The following F5 variants were observed in gnomAD, a reference collection of about 807,000 sequenced individuals.
The protein encoded by F5 is coagulation factor V.
A neutral mutation model predicts 216.4 loss-of-function variants in F5; 138 were observed. That is an observed-to-expected ratio of 0.64 (90% CI 0.56 to 0.73). The LOEUF is 0.73. F5 is among the 30% of genes least tolerant of loss of function. F5 has a pLI of 0.00. For missense variants in F5, 2,403 were observed against 2,674.0 expected (o/e 0.90, Z 2.24); for synonymous variants, 916 against 930.7 (o/e 0.98, Z 0.29).
At chr1:169,571,594 A>C (rs1304260819) in intron 3 of F5, among the ~76,000 whole-genome samples, 2 of 152,188 alleles carry the variant, frequency 1.3e-5, no homozygotes, top group African/African-American at 2.4e-5. Context: ...TCTATGTGCC[A>C]GGAAGCCTAT....
chr1:169,572,398 T>A (rs1660746587), intron 2 of F5, 55 bp from the exon 3 acceptor site: 1 of 1,605,708 alleles, frequency 6.2e-7, no homozygotes, highest in South Asian at 1.1e-5. Context: ...AAAGGCAGAG[T>A]TGCTAAGCAA....
intron 2 of F5, among the ~76,000 whole-genome samples, chr1:169,575,996 T>C (rs931370599): frequency 1.3e-5 from 2 of 152,068 alleles, no homozygotes; most frequent in Non-Finnish European, 2.9e-5. Flanking sequence ...TAGGAAGAGC[T>C]TGGAAGATGC....
chr1:169,580,366 C>CT (rs1660960380), intron 2 of F5, among the ~76,000 whole-genome samples: 1 of 151,170 alleles, frequency 6.6e-6, no homozygotes, highest in African/African-American at 2.4e-5. Context: ...TCTCAATATA[C>CT]TTTTTTGTTG....
rs1661100782 is a variant in F5, at chr1:169,586,246, A to G, written c.141T>C (p.Pro47=). 6.2e-7 allele frequency: 1 copy of G among 1,614,150 alleles called. No homozygotes were observed. Among genetic ancestry groups the G allele is most frequent in the African/African-American group, 1.3e-5 (1 of 75,026 alleles). ...AAQGISWSYR[P]EPTNSSLNLS... The stretch of plus-strand genomic sequence containing the variant: ...TGAGTTACCTTGAGTTTGTGGGCTC[A>G]GGTCGGTAGCTCCAACTGATGCCCT... Residue 47 remains proline (P), a synonymous_variant, in exon 1 of 25, where the codon CCT becomes CCC. Coordinates refer to ENST00000367797, the MANE Select transcript of F5 (RefSeq NM_000130.5).
In F5 at chr1:169,555,299, C is replaced by G. The variant is rs118203906; in HGVS notation, c.1001G>C (p.Arg334Thr). 202 of 1,614,068 alleles carry G rather than the reference C, an allele frequency of 1.3e-4. 2 individuals carry two copies. The Middle Eastern group carries it at 1.8e-3, about 14-fold the overall frequency. Residue 334 changes from arginine (R) to threonine (T), a missense_variant, in exon 7 of 25, where the codon AGG becomes ACG. Arg to Thr is a moderately conservative substitution (Grantham distance 71). Around this residue, in one of 4 missense-constraint regions of F5, gnomAD observed 1,425 missense variants for 1,554.8 expected, o/e 0.92. Transcript: ENST00000367797. ...CTCACGAGTTATTTTCTTAAGATTC[C>G]TGGTTTTCTTTGGGCAGTTTTTAAT... ...IDIKNCPKKT[R>T]NLKKITREQR...
chr1:169,552,533 T>C, intron 8 of F5, 24 bp downstream of exon 8: 5 of 1,598,748 alleles, frequency 3.1e-6, no homozygotes, highest in Non-Finnish European at 4.3e-6. Flanking sequence ...ATTTCTCCCA[T>C]GATTCTGTAT....
intron 23 of F5, among the ~76,000 whole-genome samples, chr1:169,517,647 T>C (rs1343142553): frequency 6.6e-6 from 1 of 152,164 alleles, no homozygotes; most frequent in African/African-American, 2.4e-5. Context: ...TACCCCCAAA[T>C]TAAATCACCT....
chr1:169,540,272 A>G (rs200116074), intron 13 of F5, 22 bp downstream of exon 13: 1 of 1,612,976 alleles, frequency 6.2e-7, no homozygotes, highest in African/African-American at 1.3e-5. Context: ...ATGAGAATAA[A>G]AAAGGAGAAA....
In F5 at chr1:169,528,151, T is replaced by C. The variant is rs1414874250; in HGVS notation, c.5420-57A>G. ...AATCTGTTGACACAGAGAGGGCGAG[T>C]GGTAAGGAAATATGGGGCAACCCAC... On this transcript the variant is annotated intron_variant, in intron 16 of 24. Transcript: ENST00000367797. 2.5e-6 allele frequency: 4 copies of C among 1,602,818 alleles called. No homozygotes were observed. In the African/African-American group the frequency reaches 5.4e-5, roughly 22 times the overall value.
rs776079013 is a variant in F5, at chr1:169,544,401, TG to T, written c.1869del (p.Ile624SerfsTer18). On this transcript the variant is annotated frameshift_variant, in exon 12 of 25. Transcript: ENST00000367797. LOFTEE classifies it high-confidence loss of function. ...ATGAATGAGTGCCCAGTGAAGTGGA[TG>T]GTCAAAATTTCATTCTGGGTCCCCA... is the stretch of plus-strand genomic sequence containing the variant. ...CSVGTQNEIL[T>X]IHFTGHSFIY... The T allele has an allele frequency of 6.2e-7, 1 of 1,614,112 alleles. No individual in the cohort carries two copies. Among genetic ancestry groups the T allele is most frequent in the Non-Finnish European group, 8.5e-7 (1 of 1,180,000 alleles).
At chr1:169,548,459 A>G (rs548171853) in intron 10 of F5, among the ~76,000 whole-genome samples, 1 of 152,384 alleles carries the variant, frequency 6.6e-6, no homozygotes, top group African/African-American at 2.4e-5. Flanking sequence ...TCTTGGAACT[A>G]CTGAAGCCAT....
chr1:169,542,289 A>T lies in F5; in HGVS notation c.2801T>A (p.Leu934Ter). The T allele has an allele frequency of 6.2e-7, 1 of 1,614,084 alleles. No homozygotes were observed. The highest frequency in any genetic ancestry group is 1.1e-5 in the South Asian group (1 of 91,076). Residue 934 changes from leucine to a stop codon, truncating the protein, a stop_gained, in exon 13 of 25, where the codon TTA becomes TAA. Coordinates refer to ENST00000367797, the MANE Select transcript of F5 (RefSeq NM_000130.5). LOFTEE classifies it high-confidence loss of function. Reference protein sequence around the residue: ...WKDPPSDLLLLKQSNSSKILV... With the variant: ...WKDPPSDLLL ...AATCTTAGATGAGTTACTTTGTTTT[A>T]AGAGTAACAGATCACTAGGAGGGTC...
In F5 at chr1:169,512,701, A is replaced by C. The variant is rs1430819861; in HGVS notation, c.*1612T>G. Among the ~76,000 whole-genome samples, 1 of 152,120 alleles carries C rather than the reference A, an allele frequency of 6.6e-6. No homozygotes were observed. The highest frequency in any genetic ancestry group is 2.4e-5 in the African/African-American group (1 of 41,444). ...ACATGAATCATGAAAAGAAAGGAAT[A>C]GTGGGAATACGAATATTAGAAAGCC... On this transcript the variant is annotated 3_prime_UTR_variant, in exon 25 of 25. Coordinates refer to ENST00000367797, the MANE Select transcript of F5 (RefSeq NM_000130.5).
chr1:169,583,040 CTG>C (rs762701914), intron 1 of F5, among the ~76,000 whole-genome samples: 1 of 152,140 alleles, frequency 6.6e-6, no homozygotes, highest in Non-Finnish European at 1.5e-5. Flanking sequence ...AATGAAAAAA[CTG>C]TTTTGGAAAG....
At position 169,526,016 on chromosome 1, in the gene F5, A is replaced by G; in HGVS notation, c.5601T>C (p.Gly1867=). The G allele has an allele frequency of 6.2e-7, 1 of 1,604,326 alleles. No individual in the cohort carries two copies. The highest frequency in any genetic ancestry group is 8.5e-7 in the Non-Finnish European group (1 of 1,171,716). Residue 1867 remains glycine (G), a splice_region_variant and synonymous_variant, in exon 18 of 25, where the codon GGT becomes GGC. Coordinates refer to ENST00000367797, the MANE Select transcript of F5 (RefSeq NM_000130.5). The part of the protein sequence containing the change: ...HQLGVWPLLP[G]SFKTLEMKAS... ...CCTTCATTTCAAGAGTTTTAAATGA[A>G]CCTAAAATAAAAAGAACAACATTAC...
At chr1:169,581,076 A>G (rs1660975875) in intron 2 of F5, among the ~76,000 whole-genome samples, 1 of 152,144 alleles carries the variant, frequency 6.6e-6, no homozygotes, top group South Asian at 2.1e-4. Flanking sequence ...TAGTAGTGAA[A>G]GCCTTGGTTT....
chr1:169,528,465 T>C (rs1386772072), intron 16 of F5, among the ~76,000 whole-genome samples: 1 of 152,170 alleles, frequency 6.6e-6, no homozygotes, highest in Admixed American at 6.6e-5. Flanking sequence ...CAAAGTAAAC[T>C]CCAGGGATTA....
chr1:169,533,048 G>A (rs1323384307), intron 14 of F5, among the ~76,000 whole-genome samples: 1 of 151,942 alleles, frequency 6.6e-6, no homozygotes, highest in Non-Finnish European at 1.5e-5. Context: ...CAATGAAACA[G>A]AATAAAGAAC....
At chr1:169,530,008 CTGAT>C (rs1261919707) in intron 15 of F5, among the ~76,000 whole-genome samples, 190 bp from the exon 16 acceptor site, 3 of 152,242 alleles carry the variant, frequency 2.0e-5, no homozygotes, top group African/African-American at 7.2e-5. Context: ...CCTCCTTCCT[CTGAT>C]TGATCTTTAT....
Sources: allele counts gnomAD v4.1 joint callset (sites outside exome capture counted in the v4.1 genomes callset), GRCh38; gene constraint gnomAD v4.1.1; regional missense constraint gnomAD v4.1.1; transcripts MANE v1.5; gene names NCBI Gene and HGNC (gene_info 2026-07-23, HGNC 2026-07-21).